Variants in IL1RAPL1 observed in about 807,000 individuals in gnomAD.
IL1RAPL1 encodes interleukin 1 receptor accessory protein like 1, also known as interleukin-1 receptor accessory protein-like 1.
IL1RAPL1 carries 3 observed loss-of-function variants against 48.4 expected under a neutral mutation model. That is an observed-to-expected ratio of 0.06 (90% confidence interval 0.03 to 0.16). The LOEUF (loss-of-function observed/expected upper bound fraction) is 0.16, where lower values mean the gene tolerates loss of function less well. Among genes scored for constraint, IL1RAPL1 ranks in the 10% least tolerant of loss-of-function variants. IL1RAPL1 has a pLI of 1.00. For synonymous variants in IL1RAPL1, 185 were observed against 187.7 expected, an observed-to-expected ratio of 0.99 and a Z score of 0.12; for missense variants, 349 against 530.6, an observed-to-expected ratio of 0.66 and a Z score of 3.36.
chrX:29,635,526 A>G (rs1924939819), intron 5 of IL1RAPL1, among the ~76,000 whole-genome samples: 1 of 112,055 alleles, frequency 8.9e-6, no homozygotes, highest in East Asian at 2.8e-4. Context: ...CTCAAAAAAC[A>G]TAACTACAAT....
At chrX:29,420,918 C>T (rs1934283029) in intron 5 of IL1RAPL1, among the ~76,000 whole-genome samples, 1 of 111,752 alleles carries the variant, frequency 8.9e-6, no homozygotes, top group Admixed American at 9.6e-5. Flanking sequence ...TGAGCCATAA[C>T]AACTGTTCTC....
intron 1 of IL1RAPL1, among the ~76,000 whole-genome samples, chrX:28,709,820 C>A (rs1177239819): frequency 9.0e-6 from 1 of 111,117 alleles, no homozygotes; most frequent in African/African-American, 3.3e-5. Flanking sequence ...TTTTGCAACA[C>A]CTTAAAATTT....
intron 6 of IL1RAPL1, among the ~76,000 whole-genome samples, chrX:29,915,118 ACC>A (rs1236154040): frequency 1.8e-5 from 2 of 111,627 alleles, no homozygotes; most frequent in African/African-American, 6.5e-5. Context: ...ACATGGTGAA[ACC>A]CCGTCTCTAC....
At position 29,808,160 on chromosome X, in the gene IL1RAPL1, T is replaced by C. The variant is rs1304332779; in HGVS notation, c.779-109304T>C. ...ATAATTAGACTTTTACAAAGATTTA[T>C]ATAACAAGAGGTTTATCACTTTGAT... is the stretch of plus-strand genomic sequence containing the variant. On this transcript the variant is annotated intron_variant, in intron 6 of 10. Transcript: ENST00000378993. Among the ~76,000 whole-genome samples, 3 of 112,012 alleles carry C rather than the reference T, an allele frequency of 2.7e-5. No homozygotes were observed. The Admixed American group carries it at 2.9e-4, about 11-fold the overall frequency.
intron 1 of IL1RAPL1, among the ~76,000 whole-genome samples, chrX:28,746,518 A>G (rs1167716739): frequency 8.9e-6 from 1 of 111,995 alleles, no homozygotes; most frequent in Non-Finnish European, 1.9e-5. Context: ...ATCCTATTTT[A>G]TAACCACTTT....
chrX:29,592,307 A>C (rs1198452673), intron 5 of IL1RAPL1, among the ~76,000 whole-genome samples: 3 of 111,777 alleles, frequency 2.7e-5, no homozygotes, highest in Non-Finnish European at 3.8e-5. Context: ...GCAATAAGAT[A>C]TATTCATAAA....
chrX:29,725,489 G>A (rs1340051869), intron 6 of IL1RAPL1, among the ~76,000 whole-genome samples: 1 of 111,234 alleles, frequency 9.0e-6, no homozygotes, highest in Non-Finnish European at 1.9e-5. Context: ...CACACGATCG[G>A]CCTCCTAACT....
intron 2 of IL1RAPL1, among the ~76,000 whole-genome samples, chrX:29,258,268 A>G (rs1931789711): frequency 1.8e-5 from 2 of 111,790 alleles, no homozygotes; most frequent in Non-Finnish European, 3.8e-5. Flanking sequence ...ATACAAATAT[A>G]ACATATCGAA....
At chrX:29,709,159 C>T (rs1927274410) in intron 6 of IL1RAPL1, among the ~76,000 whole-genome samples, 1 of 111,624 alleles carries the variant, frequency 9.0e-6, no homozygotes, top group Non-Finnish European at 1.9e-5. Flanking sequence ...TCCTATCTGT[C>T]TTGTTTTTGC....
At chrX:29,576,963 T>C (rs1019967443) in intron 5 of IL1RAPL1, among the ~76,000 whole-genome samples, 3 of 111,922 alleles carry the variant, frequency 2.7e-5, no homozygotes, top group African/African-American at 9.7e-5. Flanking sequence ...GAAAAAGATG[T>C]GTTTCTCAGT....
chrX:28,863,611 T>C (rs1230706358), intron 2 of IL1RAPL1, among the ~76,000 whole-genome samples: 1 of 111,465 alleles, frequency 9.0e-6, no homozygotes, highest in African/African-American at 3.3e-5. Context: ...GAAACACATC[T>C]AAACCATTTA....
intron 6 of IL1RAPL1, among the ~76,000 whole-genome samples, chrX:29,752,357 G>A (rs988721520): frequency 9.3e-5 from 10 of 107,026 alleles, no homozygotes; most frequent in African/African-American, 2.4e-4. Context: ...TTAGTCAGGC[G>A]TTGCGGCATG....
At chrX:28,989,034 C>T (rs1460337980) in intron 2 of IL1RAPL1, among the ~76,000 whole-genome samples, 1 of 112,308 alleles carries the variant, frequency 8.9e-6, no homozygotes, top group Non-Finnish European at 1.9e-5. Flanking sequence ...AACACTATCT[C>T]TTCTGTGTGT....
chrX:29,225,657 AG>A (rs1343435503), intron 2 of IL1RAPL1, among the ~76,000 whole-genome samples: 1 of 111,742 alleles, frequency 8.9e-6, no homozygotes, highest in African/African-American at 3.3e-5. Context: ...GGACATAGGC[AG>A]GATGGAGAAT....
intron 1 of IL1RAPL1, among the ~76,000 whole-genome samples, chrX:28,644,473 T>G (rs1207281161): frequency 9.0e-6 from 1 of 111,357 alleles, no homozygotes. Context: ...GGATACTACA[T>G]AAGGGCCCTA....
intron 2 of IL1RAPL1, among the ~76,000 whole-genome samples, chrX:28,870,667 T>C: frequency 9.0e-6 from 1 of 111,644 alleles, no homozygotes; most frequent in East Asian, 2.8e-4. Flanking sequence ...GCCAAAATAA[T>C]TGGGCTCAAT....
At chrX:29,104,545 T>TTTGATTTAATCAAATCAAATA (rs1230587771) in intron 2 of IL1RAPL1, among the ~76,000 whole-genome samples, 17 of 110,756 alleles carry the variant, frequency 1.5e-4, no homozygotes, top group Non-Finnish European at 3.2e-4. Context: ...ATGAATAAGA[T>TTTGATTTAATCAAATCAAATA]CTAGTATTTG....
intron 8 of IL1RAPL1, among the ~76,000 whole-genome samples, chrX:29,929,847 C>T (rs190857837): frequency 2.1e-4 from 23 of 111,553 alleles, no homozygotes; most frequent in African/African-American, 6.5e-4. Context: ...AAGGTAATGA[C>T]TCACAACTGC....
intron 3 of IL1RAPL1, among the ~76,000 whole-genome samples, chrX:29,349,423 C>T (rs1933193257): frequency 1.8e-5 from 2 of 111,530 alleles, no homozygotes; most frequent in African/African-American, 3.3e-5. Flanking sequence ...GGAGTTCTGG[C>T]TTCTATGACC....
Sources: gnomAD v4.1 joint callset for allele counts (sites outside exome capture counted in the v4.1 genomes callset) on GRCh38, gnomAD v4.1.1 for gene constraint, MANE v1.5 for transcripts, NCBI Gene and HGNC (gene_info 2026-07-23, HGNC 2026-07-21) for gene names.